Variants in ZNF585A observed in about 807,000 individuals in gnomAD.
ZNF585A encodes zinc finger protein 585A.
A neutral mutation model predicts 14.9 loss-of-function variants in ZNF585A; 9 were observed. That is an observed-to-expected ratio of 0.60 (90% CI 0.36 to 1.05). The LOEUF is 1.05. Among genes scored for constraint, ZNF585A ranks in the 50% least tolerant of loss-of-function variants. The pLI, the probability that ZNF585A is intolerant of heterozygous loss-of-function variation, is 0.01. For missense variants in ZNF585A, 726 were observed against 926.4 expected (o/e 0.78, Z 2.81); for synonymous variants, 276 against 319.9 (o/e 0.86, Z 1.46).
Position 37,153,457 on chromosome 19 carries a change from G to A in ZNF585A, c.442C>T (p.His148Tyr), listed in dbSNP as rs747205101. 3 of 1,614,152 alleles carry A rather than the reference G, an allele frequency of 1.9e-6. No homozygotes were observed. The highest frequency in any genetic ancestry group is 2.2e-5 in the East Asian group (1 of 44,874). ...IFTQKSQLKV[H>Y]LKVLAGEKLY... ...TTTTCTCCTGCAAGAACTTTCAGGT[G>A]TACTTTGAGCTGTGACTTCTGGGTG... Residue 148 changes from histidine (H) to tyrosine (Y), a missense_variant, in exon 5 of 5, where the codon CAC (histidine) becomes TAC (tyrosine). Transcript: ENST00000292841.
chr19:37,155,738 A>G (rs1971917412), intron 4 of ZNF585A, 127 bp downstream of exon 4: 1 of 1,004,462 alleles, frequency 1.0e-6, no homozygotes, highest in Admixed American at 2.1e-5. Flanking sequence ...GCATCAAGCA[A>G]TACAAAAACA....
At position 37,156,347 on chromosome 19, in the gene ZNF585A, C is replaced by A. The variant is rs760785486; in HGVS notation, c.81G>T (p.Val27=). Residue 27 remains valine, a synonymous_variant, in exon 3 of 5, where the codon GTG becomes GTT. Coordinates refer to ENST00000292841, the MANE Select transcript of ZNF585A (RefSeq NM_001288800.2). ...EDHGSSYEGS[V]SFRDVAIDFS... The stretch of plus-strand genomic sequence containing the variant: ...AATCGATAGCCACATCCCTGAAGGA[C>A]ACTGATCCCTGTAAGGGCAAATTCT... 1 of 1,614,154 alleles carries A rather than the reference C, an allele frequency of 6.2e-7. No individual in the cohort carries two copies. The highest frequency in any genetic ancestry group is 1.7e-5 in the Admixed American group (1 of 60,020).
chr19:37,155,601 G>T (rs1971913992), intron 4 of ZNF585A, among the ~76,000 whole-genome samples: 1 of 152,034 alleles, frequency 6.6e-6, no homozygotes, highest in African/African-American at 2.4e-5. Flanking sequence ...GTTGTAGTGA[G>T]CTGGGATCAT....
At chr19:37,166,215 T>C (rs1040108718) in intron 2 of ZNF585A, among the ~76,000 whole-genome samples, 6 of 152,180 alleles carry the variant, frequency 3.9e-5, no homozygotes, top group Non-Finnish European at 8.8e-5. Context: ...GGTTTCGCCA[T>C]GTTGACTAGA....
chr19:37,155,522 G>C (rs1343376104), intron 4 of ZNF585A, among the ~76,000 whole-genome samples: 1 of 151,848 alleles, frequency 6.6e-6, no homozygotes, highest in Non-Finnish European at 1.5e-5. Context: ...ATGGTGGCTG[G>C]CAAACACCTG....
chr19:37,169,130 T>C (rs1972141832), intron 2 of ZNF585A, among the ~76,000 whole-genome samples: 1 of 152,184 alleles, frequency 6.6e-6, no homozygotes, highest in Admixed American at 6.5e-5. Context: ...GAACGAAGTG[T>C]ATATATTCCC....
chr19:37,167,585 TTTA>T (rs1232865372), intron 2 of ZNF585A, among the ~76,000 whole-genome samples: 1 of 149,602 alleles, frequency 6.7e-6, no homozygotes, highest in African/African-American at 2.5e-5. Flanking sequence ...CCTTTTACTT[TTTA>T]TTTTTATTTT....
At chr19:37,156,200 C>T in intron 3 of ZNF585A, 29 bp downstream of exon 3, 1 of 1,609,478 alleles carries the variant, frequency 6.2e-7, no homozygotes, top group Non-Finnish European at 8.5e-7. Flanking sequence ...GTGAGGCCTC[C>T]TTTCAGATAC....
At chr19:37,153,664 T>C in intron 4 of ZNF585A, 58 bp from the exon 5 acceptor site, 1 of 1,353,390 alleles carries the variant, frequency 7.4e-7, no homozygotes, top group Non-Finnish European at 1.0e-6. Flanking sequence ...GGTAATCTTT[T>C]TAACATTCTT....
chr19:37,168,153 A>AT (rs1765690428), intron 2 of ZNF585A, among the ~76,000 whole-genome samples: 2 of 152,188 alleles, frequency 1.3e-5, no homozygotes, highest in African/African-American at 4.8e-5. Flanking sequence ...ATAAGTATGA[A>AT]CCATCCTCTT....
rs896075720 is a variant in ZNF585A at position 37,147,445 on chromosome 19, T to C, written c.*4144A>G. 19 of 152,208 alleles carry C rather than the reference T, an allele frequency of 1.2e-4. No individual in the cohort carries two copies. Among genetic ancestry groups the C allele is most frequent in the African/African-American group, 4.6e-4 (19 of 41,454 alleles). The allele number at this position is 152,208 out of a possible 1,614,324, so 9.4% of individuals were successfully genotyped here. A position where few individuals can be genotyped will look rare whatever the true frequency, so the allele number is the denominator to read the frequency against. On this transcript the variant is annotated 3_prime_UTR_variant, in exon 5 of 5. Transcript: ENST00000292841. ...ATGTTGACTAACTCCAACTGCAGAC[T>C]CTCTGGCCTCTTTTATTGTAGTTAT...
intron 4 of ZNF585A, among the ~76,000 whole-genome samples, chr19:37,155,621 C>T (rs1971914287): frequency 6.6e-6 from 1 of 152,012 alleles, no homozygotes; most frequent in Non-Finnish European, 1.5e-5. Flanking sequence ...TGCCACTGCA[C>T]TCCAGCCTGG....
intron 2 of ZNF585A, among the ~76,000 whole-genome samples, chr19:37,162,308 T>C (rs531332798): frequency 6.6e-6 from 1 of 152,360 alleles, no homozygotes; most frequent in Non-Finnish European, 1.5e-5. Context: ...TTGTGATGTG[T>C]GTTGATTCTG....
chr19:37,150,180 A>C lies in ZNF585A; in HGVS notation c.*1409T>G, dbSNP rs1334029119. 6.6e-6 allele frequency: 1 copy of C among 152,082 alleles called. No individual in the cohort carries two copies. Among genetic ancestry groups the C allele is most frequent in the African/African-American group, 2.4e-5 (1 of 41,386 alleles). 9.4% of individuals were successfully genotyped at this position (152,082 alleles called of 1,614,324 possible). A position where few individuals can be genotyped will look rare whatever the true frequency, so the allele number is the denominator to read the frequency against. On this transcript the variant is annotated 3_prime_UTR_variant, in exon 5 of 5. Transcript: ENST00000292841. ...AATGTGGACATTATGGTTCATTGTA[A>C]GTCACCGCCATTGCCTGAGGGGAAG...
intron 2 of ZNF585A, among the ~76,000 whole-genome samples, chr19:37,161,059 CA>C (rs1294439637): frequency 2.0e-5 from 3 of 151,806 alleles, no homozygotes; most frequent in Non-Finnish European, 2.9e-5. Context: ...ATCGAACTTA[CA>C]AAGAAGAATG....
chr19:37,156,439 T>G, intron 2 of ZNF585A, 84 bp from the exon 3 acceptor site: 2 of 1,477,612 alleles, frequency 1.4e-6, no homozygotes, highest in South Asian at 2.9e-5. Flanking sequence ...AATACAGGTC[T>G]TGTTGTTTTA....
Position 37,152,811 on chromosome 19 carries a change from A to G in ZNF585A, c.1088T>C (p.Phe363Ser). 1 of 1,614,124 alleles carries G rather than the reference A, an allele frequency of 6.2e-7. No homozygotes were observed. The highest frequency in any genetic ancestry group is 1.1e-5 in the South Asian group (1 of 91,076). ...SSICTECGKA[F>S]TYRSELIIHQ... Reference sequence around the variant, plus strand: ...AATAATCAACTCTGACCTGTAGGTAAAGGCCTTCCCACACTCAGTACATAT... The same window carrying G: ...AATAATCAACTCTGACCTGTAGGTAGAGGCCTTCCCACACTCAGTACATAT... Residue 363 changes from phenylalanine (F) to serine (S), a missense_variant, in exon 5 of 5, where the codon TTT becomes TCT. Physicochemically the swap from Phe to Ser is radical, Grantham distance 155. Transcript: ENST00000292841.
chr19:37,162,366 A>G (rs988157596), intron 2 of ZNF585A, among the ~76,000 whole-genome samples: 2 of 152,192 alleles, frequency 1.3e-5, no homozygotes, highest in Admixed American at 6.5e-5. Context: ...AGGCTTATAC[A>G]CTGTTGGTGG....
chr19:37,168,456 ACT>A (rs1196039842), intron 2 of ZNF585A, among the ~76,000 whole-genome samples: 1 of 151,914 alleles, frequency 6.6e-6, no homozygotes, highest in Admixed American at 6.6e-5. Flanking sequence ...AACCAAGACC[ACT>A]CTGTCATTAT....
Sources: gnomAD v4.1 joint callset for allele counts (sites outside exome capture counted in the v4.1 genomes callset) on GRCh38, gnomAD v4.1.1 for gene constraint, MANE v1.5 for transcripts, NCBI Gene and HGNC (gene_info 2026-07-23, HGNC 2026-07-21) for gene names.